Variants in DPYD observed in about 807,000 individuals in gnomAD.
DPYD encodes dihydropyrimidine dehydrogenase [NADP(+)].
Under a neutral mutation model 116.2 loss-of-function variants are expected in DPYD, and 109 were observed. That is an observed-to-expected ratio of 0.94 (90% CI 0.80 to 1.10). The LOEUF is 1.10. Ranked by LOEUF, DPYD falls within the 50% of genes least tolerant of loss-of-function variation. The pLI is 0.00. For missense variants in DPYD, 1,302 were observed against 1,254.5 expected (o/e 1.04, Z -0.57); for synonymous variants, 440 against 432.0 (o/e 1.02, Z -0.23).
intron 19 of DPYD, among the ~76,000 whole-genome samples, chr1:97,215,431 A>G (rs1660313651): frequency 6.6e-6 from 1 of 152,158 alleles, no homozygotes. Context: ...AGTCCTTGCC[A>G]TATTATTTAT....
intron 20 of DPYD, among the ~76,000 whole-genome samples, chr1:97,155,803 T>C (rs10875049): frequency 0.18 from 27,472 of 152,160 alleles, 2,549 homozygotes; most frequent in East Asian, 0.29. Flanking sequence ...GTTCTTTTGA[T>C]CTCACTTTCC....
intron 18 of DPYD, among the ~76,000 whole-genome samples, chr1:97,287,271 G>C (rs1231698486): frequency 6.6e-6 from 1 of 152,152 alleles, no homozygotes; most frequent in Non-Finnish European, 1.5e-5. Flanking sequence ...GCTGCTGTCT[G>C]ATCGTTCCTC....
chr1:97,258,116 A>G (rs1167692906), intron 18 of DPYD, among the ~76,000 whole-genome samples: 2 of 152,134 alleles, frequency 1.3e-5, no homozygotes, highest in Non-Finnish European at 2.9e-5. Flanking sequence ...AAGATGGATT[A>G]GGAGGGAGAG....
intron 20 of DPYD, among the ~76,000 whole-genome samples, chr1:97,164,630 A>C (rs1344900981): frequency 6.6e-6 from 1 of 152,180 alleles, no homozygotes; most frequent in East Asian, 1.9e-4. Context: ...CTACACACCA[A>C]CAACAGCCAA....
intron 13 of DPYD, among the ~76,000 whole-genome samples, chr1:97,494,156 C>G (rs1178705940): frequency 6.6e-6 from 1 of 152,114 alleles, no homozygotes; most frequent in Non-Finnish European, 1.5e-5. Context: ...GGAAAATGGA[C>G]CTGGTATACA....
intron 1 of DPYD, among the ~76,000 whole-genome samples, chr1:97,911,839 G>A (rs531870310): frequency 6.6e-6 from 1 of 151,988 alleles, no homozygotes; most frequent in Middle Eastern, 3.4e-3. Flanking sequence ...ATCCATTCAC[G>A]ACAATAATCT....
chr1:97,645,265 G>A (rs1455602807), intron 8 of DPYD, among the ~76,000 whole-genome samples: 1 of 152,064 alleles, frequency 6.6e-6, no homozygotes, highest in Non-Finnish European at 1.5e-5. Flanking sequence ...GTATAGGAGT[G>A]TCTATTTCCT....
Position 97,408,931 on chromosome 1 carries a change from T to C in DPYD, c.1906-26470A>G, listed in dbSNP as rs139476823. ...ACACTATTCATTTGTCAGGGGCTCT[T>C]GGGCCTTCATCCACAGACTGAAGGC... On this transcript the variant is annotated intron_variant, in intron 14 of 22. Coordinates refer to ENST00000370192, the MANE Select transcript of DPYD (RefSeq NM_000110.4). 3.4e-3 allele frequency among the ~76,000 whole-genome samples: 513 copies of C among 152,254 alleles called. 7 individuals are homozygous for C. The East Asian group carries it at 0.043, about 13-fold the overall frequency.
chr1:97,347,531 G>A (rs987229651), intron 16 of DPYD, among the ~76,000 whole-genome samples: 2 of 151,932 alleles, frequency 1.3e-5, no homozygotes, highest in Non-Finnish European at 2.9e-5. Context: ...GCTGGATTCT[G>A]CATGTTAACA....
rs1570417504 is a variant in DPYD, at chr1:97,077,922, G to C, written c.*1054C>G. Reference sequence around the variant, plus strand: ...CTACTTATAGATTCATATTGAAGATGCCATGAAGAGGAGATAAATGAGTTT... The same window carrying C: ...CTACTTATAGATTCATATTGAAGATCCCATGAAGAGGAGATAAATGAGTTT... On this transcript the variant is annotated 3_prime_UTR_variant, in exon 23 of 23. Coordinates refer to ENST00000370192, the MANE Select transcript of DPYD (RefSeq NM_000110.4). 2 of 152,144 alleles carry C rather than the reference G, an allele frequency of 1.3e-5. No homozygotes were observed. The highest frequency in any genetic ancestry group is 1.9e-4 in the East Asian group (1 of 5,168). 9.4% of individuals were successfully genotyped at this position (152,144 alleles called of 1,614,324 possible).
chr1:97,203,195 G>A (rs1325092748), intron 19 of DPYD, among the ~76,000 whole-genome samples: 1 of 152,114 alleles, frequency 6.6e-6, no homozygotes, highest in Non-Finnish European at 1.5e-5. Context: ...TAACACAGGT[G>A]GTGGTGTAAG....
chr1:97,287,028 GT>G (rs1301880270), intron 18 of DPYD, among the ~76,000 whole-genome samples: 1 of 152,132 alleles, frequency 6.6e-6, no homozygotes, highest in African/African-American at 2.4e-5. Flanking sequence ...TTTCTGCTCT[GT>G]TTTTTCCTTT....
chr1:97,396,077 A>G (rs2101618183), intron 14 of DPYD, among the ~76,000 whole-genome samples: 1 of 145,100 alleles, frequency 6.9e-6, no homozygotes, highest in East Asian at 2.1e-4. Context: ...TATATAGGAA[A>G]AGCTAACTGA....
At chr1:97,286,331 T>C (rs1364748380) in intron 18 of DPYD, among the ~76,000 whole-genome samples, 1 of 152,212 alleles carries the variant, frequency 6.6e-6, no homozygotes, top group African/African-American at 2.4e-5. Flanking sequence ...ATCCCGACCT[T>C]TCTCTCTGGC....
rs199758561 is a variant in DPYD, at chr1:97,462,774, A to G, written c.1741-12551T>C. On this transcript the variant is annotated intron_variant, in intron 13 of 22. Coordinates refer to ENST00000370192, the MANE Select transcript of DPYD (RefSeq NM_000110.4). Reference sequence around the variant, plus strand: ...AAGTTGTCTCTTGTGGGGAAAATCTACTTTCTGTAGAGAATCCCCTTCCTT... The same window carrying G: ...AAGTTGTCTCTTGTGGGGAAAATCTGCTTTCTGTAGAGAATCCCCTTCCTT... Among the ~76,000 whole-genome samples, 7 of 152,336 alleles carry G rather than the reference A, an allele frequency of 4.6e-5. No individual in the cohort carries two copies. The East Asian group carries it at 1.2e-3, about 25-fold the overall frequency.
intron 13 of DPYD, among the ~76,000 whole-genome samples, chr1:97,467,395 C>G (rs1279619568): frequency 1.3e-5 from 2 of 152,232 alleles, no homozygotes; most frequent in Non-Finnish European, 2.9e-5. Context: ...TACCTATGAA[C>G]TGTAAGCCCC....
At chr1:97,761,789 G>T (rs185139798) in intron 3 of DPYD, among the ~76,000 whole-genome samples, 1 of 152,224 alleles carries the variant, frequency 6.6e-6, no homozygotes, top group African/African-American at 2.4e-5. Context: ...TTTTTAAACA[G>T]TGTTATATAT....
At chr1:97,730,357 G>C (rs1260547745) in intron 4 of DPYD, among the ~76,000 whole-genome samples, 2 of 152,052 alleles carry the variant, frequency 1.3e-5, no homozygotes, top group Non-Finnish European at 2.9e-5. Context: ...AAGTAGCTGG[G>C]ACTATAGGCA....
rs57796654 is a variant in DPYD at position 97,503,723 on chromosome 1, C to T, written c.1740+12003G>A. On this transcript the variant is annotated intron_variant, in intron 13 of 22. Transcript: ENST00000370192. ...TGCATGTTTAATCACATCTTGGCAA[C>T]GGTTTCTTGGAAGATCTGAACTAAA... 2.4e-3 allele frequency among the ~76,000 whole-genome samples: 370 copies of T among 151,752 alleles called. 3 individuals carry two copies. The East Asian group carries it at 0.026, about 11-fold the overall frequency.
Sources: allele counts gnomAD v4.1 joint callset (sites outside exome capture counted in the v4.1 genomes callset), GRCh38; gene constraint gnomAD v4.1.1; transcripts MANE v1.5; gene names NCBI Gene and HGNC (gene_info 2026-07-23, HGNC 2026-07-21).